The following LINGO2 variants were observed in gnomAD, a reference collection of about 807,000 sequenced individuals.
LINGO2 encodes leucine rich repeat and Ig domain containing 2.
LINGO2 carries 14 observed loss-of-function variants against 30.6 expected under a neutral mutation model. The observed-to-expected ratio is 0.46, with a 90% CI of 0.30 to 0.72. The LOEUF (loss-of-function observed/expected upper bound fraction) is 0.72. Ranked by LOEUF, LINGO2 falls within the 30% of genes least tolerant of loss-of-function variation. LINGO2 has a pLI of 0.07. For synonymous variants in LINGO2, 317 were observed against 288.5 expected, an observed-to-expected ratio of 1.10 and a Z score of -1.00; for missense variants, 729 against 751.7, an observed-to-expected ratio of 0.97 and a Z score of 0.35.
intron 4 of LINGO2, among the ~76,000 whole-genome samples, chr9:28,146,502 T>A (rs1587079712): frequency 2.3e-5 from 3 of 129,660 alleles, no homozygotes; most frequent in Admixed American, 2.2e-4. Context: ...AAAACCTAGA[T>A]AAAGTAATCG....
chr9:28,512,591 GTGT>G lies in LINGO2; in HGVS notation c.-364-36569_-364-36567del, dbSNP rs1211404881. ...GACAGAACTAACAGGATATATATGT[GTGT>G]ATATATATATATATATATATATATA... On this transcript the variant is annotated intron_variant, in intron 1 of 5. Coordinates refer to ENST00000379992, the Ensembl canonical transcript of LINGO2. 3.6e-3 allele frequency among the ~76,000 whole-genome samples: 57 copies of G among 15,828 alleles called. 3 individuals carry two copies. In the East Asian group the frequency reaches 0.12, roughly 34 times the overall value. 10.4% of individuals were successfully genotyped at this position (15,828 alleles called of 152,430 possible).
chr9:28,943,062 T>TA, the LINGO2 span, among the ~76,000 whole-genome samples: 1 of 152,274 alleles, frequency 6.6e-6, no homozygotes, highest in East Asian at 1.9e-4. Context: ...AGCTATGAGA[T>TA]ATATTAAGGC....
At chr9:28,101,421 A>T (rs1826413093) in intron 4 of LINGO2, among the ~76,000 whole-genome samples, 1 of 152,206 alleles carries the variant, frequency 6.6e-6, no homozygotes, top group East Asian at 1.9e-4. Context: ...CATGACTTTA[A>T]GTAGGTCACT....
the LINGO2 span, among the ~76,000 whole-genome samples, chr9:28,994,262 T>C: frequency 6.6e-6 from 1 of 152,142 alleles, no homozygotes; most frequent in Non-Finnish European, 1.5e-5. Context: ...TGAACTCCCA[T>C]TCACAATTGC....
At chr9:28,653,153 C>T (rs1304492711) in intron 1 of LINGO2, among the ~76,000 whole-genome samples, 16 of 152,152 alleles carry the variant, frequency 1.1e-4, no homozygotes, top group African/African-American at 3.9e-4. Flanking sequence ...TCCCAAATCT[C>T]AGTGCCTTAA....
In LINGO2 at chr9:28,603,442, A is replaced by C. The variant is rs74978932; in HGVS notation, c.-365+66758T>G. ...ACAAACATGAATTAATTTTCAAAAA[A>C]AAGTTGGGAATCATAGTGGTTTCTG... On this transcript the variant is annotated intron_variant, in intron 1 of 5. Transcript: ENST00000379992. 5.6e-3 allele frequency among the ~76,000 whole-genome samples: 857 copies of C among 152,174 alleles called. 10 individuals are homozygous for C. The highest frequency in any genetic ancestry group is 0.02 in the African/African-American group (825 of 41,548).
At chr9:28,745,646 T>C in the LINGO2 span, among the ~76,000 whole-genome samples, 2 of 152,184 alleles carry the variant, frequency 1.3e-5, no homozygotes, top group African/African-American at 4.8e-5. Flanking sequence ...CATTAAAAGA[T>C]TGATATGTGC....
chr9:28,721,508 A>T, the LINGO2 span, among the ~76,000 whole-genome samples: 1 of 152,176 alleles, frequency 6.6e-6, no homozygotes, highest in African/African-American at 2.4e-5. Flanking sequence ...TGTCCTTTGC[A>T]GGAACATGGA....
At chr9:29,049,216 T>C in the LINGO2 span, among the ~76,000 whole-genome samples, 2 of 152,154 alleles carry the variant, frequency 1.3e-5, no homozygotes, top group Non-Finnish European at 2.9e-5. Context: ...GATGAAAAGG[T>C]GCTGACATCA....
intron 5 of LINGO2, among the ~76,000 whole-genome samples, chr9:27,973,855 G>T (rs1006579593): frequency 3.9e-5 from 6 of 152,194 alleles, no homozygotes; most frequent in Non-Finnish European, 7.3e-5. Context: ...TCAAAAGCCA[G>T]ATAAAGTGGC....
chr9:28,609,815 C>T (rs544951044), intron 1 of LINGO2, among the ~76,000 whole-genome samples: 5 of 152,026 alleles, frequency 3.3e-5, no homozygotes, highest in South Asian at 2.1e-4. Context: ...CTTAAATTAG[C>T]GAACACAAAA....
intron 2 of LINGO2, among the ~76,000 whole-genome samples, chr9:28,422,156 A>G (rs1448483189): frequency 6.6e-6 from 1 of 152,100 alleles, no homozygotes; most frequent in African/African-American, 2.4e-5. Flanking sequence ...AATGAAATAA[A>G]AAATGACAAA....
the LINGO2 span, among the ~76,000 whole-genome samples, chr9:28,875,208 T>C: frequency 6.6e-6 from 1 of 152,116 alleles, no homozygotes; most frequent in Admixed American, 6.6e-5. Context: ...TTTTAAAAAA[T>C]AGTACAACTT....
intron 1 of LINGO2, among the ~76,000 whole-genome samples, chr9:28,537,298 G>A (rs1190043935): frequency 6.6e-6 from 1 of 152,010 alleles, no homozygotes; most frequent in Non-Finnish European, 1.5e-5. Flanking sequence ...TTATACATCA[G>A]CCCTAGCAAA....
the LINGO2 span, among the ~76,000 whole-genome samples, chr9:29,168,340 G>A: frequency 2.6e-5 from 4 of 152,030 alleles, no homozygotes; most frequent in East Asian, 3.9e-4. Context: ...CTATTTGTTA[G>A]CCATTGTCTC....
the LINGO2 span, among the ~76,000 whole-genome samples, chr9:28,709,226 TG>T: frequency 3.3e-5 from 5 of 152,050 alleles, no homozygotes; most frequent in East Asian, 3.9e-4. Flanking sequence ...TAAAGTGTTT[TG>T]TTTTGTTTTT....
chr9:29,137,476 G>A, the LINGO2 span, among the ~76,000 whole-genome samples: 4 of 152,146 alleles, frequency 2.6e-5, no homozygotes, highest in African/African-American at 9.7e-5. Context: ...AGAATGATTT[G>A]TAAGTAAAAT....
the LINGO2 span, among the ~76,000 whole-genome samples, chr9:28,985,982 A>G: frequency 6.6e-6 from 1 of 151,998 alleles, no homozygotes; most frequent in African/African-American, 2.4e-5. Context: ...AGTAGTTTTT[A>G]CAGATTCTGG....
chr9:29,137,194 C>T, the LINGO2 span, among the ~76,000 whole-genome samples: 648 of 152,200 alleles, frequency 4.3e-3, 2 homozygotes, highest in African/African-American at 0.015. Context: ...CTGAGACTTC[C>T]GGACAGTATA....
Sources: allele counts gnomAD v4.1 joint callset (sites outside exome capture counted in the v4.1 genomes callset), GRCh38; gene constraint gnomAD v4.1.1; transcripts MANE v1.5; gene names NCBI Gene and HGNC (gene_info 2026-07-23, HGNC 2026-07-21).